WDR49: variants seen among roughly 807,000 people sequenced by gnomAD.
WDR49 encodes cilia- and flagella-associated protein 337.
A neutral mutation model predicts 119.5 loss-of-function variants in WDR49; 107 were observed. The ratio of observed to expected loss-of-function variants is 0.90; its 90% CI spans 0.77 to 1.05. The LOEUF (loss-of-function observed/expected upper bound fraction) is 1.05. WDR49 is among the 50% of genes least tolerant of loss of function. The probability of loss-of-function intolerance (pLI) is 0.00; values close to 1 mark genes in which losing one functional copy is unlikely to be tolerated. For missense variants in WDR49, 1,240 were observed against 1,220.5 expected (o/e 1.02, Z -0.24); for synonymous variants, 425 against 418.8 (o/e 1.01, Z -0.18).
At chr3:167,591,549 T>G (rs1422890272) in intron 7 of WDR49, among the ~76,000 whole-genome samples, 5 of 152,156 alleles carry the variant, frequency 3.3e-5, no homozygotes, top group African/African-American at 1.2e-4. Flanking sequence ...TCTATTTAAG[T>G]CTAATAAAAT....
intron 10 of WDR49, among the ~76,000 whole-genome samples, chr3:167,537,610 G>C (rs1308131691): frequency 1.3e-5 from 2 of 152,154 alleles, no homozygotes; most frequent in Non-Finnish European, 2.9e-5. Context: ...AACAGTATTA[G>C]AGAGGTCAGT....
chr3:167,555,505 CG>C (rs1396448528), intron 9 of WDR49, among the ~76,000 whole-genome samples: 4 of 152,098 alleles, frequency 2.6e-5, no homozygotes, highest in Non-Finnish European at 5.9e-5. Flanking sequence ...ATTTACAGCC[CG>C]TCAGTCAGAA....
Position 167,627,218 on chromosome 3 carries a change from C to A in WDR49, c.240G>T (p.Trp80Cys). The part of the protein sequence containing the change: ...FTQKMTEIVG[W>C]GTKEEYGELF... ...GCTCCCCATATTCTTCCTTCGTGCC[C>A]CAACCAACAATCTCTGTCATCTTCT... Residue 80 changes from tryptophan to cysteine, a missense_variant, in exon 3 of 19, where the codon TGG (tryptophan) becomes TGT (cysteine). Coordinates refer to ENST00000682715, the MANE Select transcript of WDR49 (RefSeq NM_001366157.1). 8.0e-7 allele frequency: 1 copy of A among 1,253,832 alleles called. No homozygotes were observed. Among genetic ancestry groups the A allele is most frequent in the Admixed American group, 4.0e-5 (1 of 24,734 alleles). The allele number at this position is 1,253,832 out of a possible 1,614,324, so 77.7% of individuals were successfully genotyped here.
intron 8 of WDR49, among the ~76,000 whole-genome samples, chr3:167,567,122 C>T (rs1367221607): frequency 6.6e-6 from 1 of 152,098 alleles, no homozygotes; most frequent in Non-Finnish European, 1.5e-5. Flanking sequence ...AGTTTCAGTG[C>T]CCATAGTGTA....
At chr3:167,499,870 G>T (rs1237501886) in intron 18 of WDR49, among the ~76,000 whole-genome samples, 1 of 152,162 alleles carries the variant, frequency 6.6e-6, no homozygotes, top group East Asian at 1.9e-4. Context: ...TGGGGAGAGA[G>T]ATTCTCATCC....
intron 12 of WDR49, among the ~76,000 whole-genome samples, chr3:167,531,585 A>T (rs1474581061): frequency 6.6e-6 from 1 of 152,154 alleles, no homozygotes; most frequent in East Asian, 1.9e-4. Context: ...TGCCCAGGAC[A>T]AACGTAATTC....
chr3:167,545,499 A>AT (rs1265268372), intron 10 of WDR49, among the ~76,000 whole-genome samples: 2 of 131,078 alleles, frequency 1.5e-5, no homozygotes, highest in African/African-American at 2.8e-5. Flanking sequence ...TATATATTAT[A>AT]TATTATATAT....
At chr3:167,492,521 T>G (rs1429402076) in intron 18 of WDR49, among the ~76,000 whole-genome samples, 1 of 152,122 alleles carries the variant, frequency 6.6e-6, no homozygotes, top group Non-Finnish European at 1.5e-5. Flanking sequence ...AGTGGAATAA[T>G]AATACAGGGC....
At chr3:167,537,380 A>C (rs1711526639) in intron 10 of WDR49, among the ~76,000 whole-genome samples, 1 of 152,166 alleles carries the variant, frequency 6.6e-6, no homozygotes, top group Non-Finnish European at 1.5e-5. Context: ...CCTATGAACA[A>C]ATAATGTTTT....
intron 2 of WDR49, among the ~76,000 whole-genome samples, chr3:167,643,196 T>A (rs549010156): frequency 5.3e-4 from 81 of 152,170 alleles, no homozygotes; most frequent in African/African-American, 1.9e-3. Context: ...TTACAATGGG[T>A]AACTCTGGTG....
rs754765752 is a variant in WDR49 at position 167,478,900 on chromosome 3, T to C, written c.3128A>G (p.Glu1043Gly). The C allele has an allele frequency of 6.2e-7, 1 of 1,608,202 alleles. No individual in the cohort carries two copies. Among genetic ancestry groups the C allele is most frequent in the South Asian group, 1.1e-5 (1 of 89,154 alleles). ...AKQLCQEKSC[E>G]VKKNKK ...TAATTACTTCTTATTTTTCTTCACT[T>C]CACAACTTTTTTCTTGGCATAATTG... The change falls in exon 19 of 19, where the codon GAA becomes GGA. Residue 1043 changes from glutamate to glycine, a missense_variant. Coordinates refer to ENST00000682715, the MANE Select transcript of WDR49 (RefSeq NM_001366157.1).
At chr3:167,651,143 CT>C (rs1245884613) in intron 2 of WDR49, among the ~76,000 whole-genome samples, 1 of 152,114 alleles carries the variant, frequency 6.6e-6, no homozygotes, top group East Asian at 1.9e-4. Flanking sequence ...ACCCAACTTC[CT>C]GTTTTTTCAC....
intron 2 of WDR49, among the ~76,000 whole-genome samples, chr3:167,647,820 T>A (rs1263618844): frequency 2.6e-5 from 4 of 152,298 alleles, no homozygotes; most frequent in South Asian, 4.1e-4. Flanking sequence ...GAAAAAAATA[T>A]TTTTCAAAAA....
At chr3:167,512,219 G>A (rs1577207780) in intron 16 of WDR49, among the ~76,000 whole-genome samples, 1 of 152,150 alleles carries the variant, frequency 6.6e-6, no homozygotes, top group Non-Finnish European at 1.5e-5. Context: ...CATCAGGTCA[G>A]TGCACCTCCA....
chr3:167,562,792 T>C (rs1713346535), intron 8 of WDR49, among the ~76,000 whole-genome samples: 2 of 152,238 alleles, frequency 1.3e-5, no homozygotes, highest in African/African-American at 4.8e-5. Flanking sequence ...CTTACTTTTA[T>C]GCTTCAACTT....
intron 2 of WDR49, among the ~76,000 whole-genome samples, chr3:167,631,849 A>G (rs1481360266): frequency 6.6e-6 from 1 of 152,150 alleles, no homozygotes; most frequent in African/African-American, 2.4e-5. Flanking sequence ...ATTAGCTGAA[A>G]TAACAGAGGT....
Position 167,613,354 on chromosome 3 carries a change from A to G in WDR49, c.958+7075T>C, listed in dbSNP as rs530732350. On this transcript the variant is annotated intron_variant, in intron 5 of 18. Coordinates refer to ENST00000682715, the MANE Select transcript of WDR49 (RefSeq NM_001366157.1). The stretch of plus-strand genomic sequence containing the variant: ...CATGTCCATGATACAAATGAATCTT[A>G]TTCTTCTACCATGCTACAGAACAAG... Among the ~76,000 whole-genome samples the G allele has an allele frequency of 5.9e-5, 9 of 152,340 alleles. No individual in the cohort carries two copies. The South Asian group carries it at 1.9e-3, about 32-fold the overall frequency.
chr3:167,542,259 A>G (rs1023020852), intron 10 of WDR49, among the ~76,000 whole-genome samples: 3 of 152,170 alleles, frequency 2.0e-5, no homozygotes, highest in Admixed American at 6.6e-5. Flanking sequence ...GAAACAATCG[A>G]ATTAAACTAT....
At chr3:167,495,484 A>T (rs1343908257) in intron 18 of WDR49, among the ~76,000 whole-genome samples, 2 of 152,120 alleles carry the variant, frequency 1.3e-5, no homozygotes, top group Non-Finnish European at 2.9e-5. Flanking sequence ...AGGAAATAAA[A>T]TGTTTTTCCA....
Sources: allele counts gnomAD v4.1 joint callset (sites outside exome capture counted in the v4.1 genomes callset), GRCh38; gene constraint gnomAD v4.1.1; transcripts MANE v1.5; gene names NCBI Gene and HGNC (gene_info 2026-07-23, HGNC 2026-07-21).